The following RALYL variants were observed in gnomAD, a reference collection of about 807,000 sequenced individuals.
The protein encoded by RALYL is RNA-binding Raly-like protein.
Under a neutral mutation model 35.1 loss-of-function variants are expected in RALYL, and 29 were observed. The ratio of observed to expected loss-of-function variants is 0.83; its 90% CI spans 0.61 to 1.13. RALYL has a LOEUF of 1.13. RALYL is among the 50% of genes most tolerant of loss of function. The pLI, the probability that RALYL is intolerant of heterozygous loss-of-function variation, is 0.00. For synonymous variants in RALYL, 120 were observed against 127.6 expected, an observed-to-expected ratio of 0.94 and a Z score of 0.40; for missense variants, 359 against 360.4, an observed-to-expected ratio of 1.00 and a Z score of 0.03.
intron 2 of RALYL, among the ~76,000 whole-genome samples, chr8:84,609,107 T>C (rs753184875): frequency 1.1e-4 from 17 of 152,198 alleles, no homozygotes; most frequent in Non-Finnish European, 2.1e-4. Context: ...ACAAAGCTAG[T>C]AGACATTTCT....
chr8:84,479,925 G>A lies in RALYL; in HGVS notation c.-23-49374G>A, dbSNP rs116775013. ...GTCCAGCAGTAAGTTGTTAGAGACT[G>A]AAATATGACTGAAATTAAAAATTGC... On this transcript the variant is annotated intron_variant, in intron 1 of 8. Coordinates refer to ENST00000521268, the MANE Select transcript of RALYL (RefSeq NM_173848.7). 2.3e-3 allele frequency among the ~76,000 whole-genome samples: 344 copies of A among 152,262 alleles called. 3 individuals carry two copies. Among genetic ancestry groups the A allele is most frequent in the African/African-American group, 7.3e-3 (305 of 41,574 alleles).
chr8:84,908,309 ACTC>A (rs1846883364), intron 8 of RALYL, among the ~76,000 whole-genome samples: 1 of 151,938 alleles, frequency 6.6e-6, no homozygotes, highest in South Asian at 2.1e-4. Context: ...CAAAAAACTT[ACTC>A]CTCCTCTCTA....
intron 1 of RALYL, among the ~76,000 whole-genome samples, chr8:84,328,288 A>G (rs1424902483): frequency 1.3e-5 from 2 of 152,178 alleles, no homozygotes; most frequent in Non-Finnish European, 2.9e-5. Flanking sequence ...TTCACAGCCA[A>G]GTCTTCCTAG....
At chr8:84,577,665 T>C (rs1455966735) in intron 2 of RALYL, among the ~76,000 whole-genome samples, 3 of 152,190 alleles carry the variant, frequency 2.0e-5, no homozygotes, top group Admixed American at 2.0e-4. Flanking sequence ...ATTGTACTTA[T>C]TGCATTTTGT....
chr8:84,446,522 T>C (rs1275952065), intron 1 of RALYL, among the ~76,000 whole-genome samples: 1 of 152,098 alleles, frequency 6.6e-6, no homozygotes, highest in East Asian at 1.9e-4. Flanking sequence ...CTGTATGGGA[T>C]TGGGCAAGTC....
chr8:84,235,213 G>T (rs932221490), intron 1 of RALYL, among the ~76,000 whole-genome samples: 4 of 151,980 alleles, frequency 2.6e-5, no homozygotes, highest in African/African-American at 9.7e-5. Flanking sequence ...AAAATTAATT[G>T]ACAAGTGCAA....
intron 2 of RALYL, among the ~76,000 whole-genome samples, chr8:84,636,403 G>A (rs896756642): frequency 2.0e-5 from 3 of 151,768 alleles, no homozygotes; most frequent in Admixed American, 6.6e-5. Flanking sequence ...TTCTTCCTGT[G>A]AGAGATGGAA....
At chr8:84,737,846 G>C (rs1356139474) in intron 2 of RALYL, among the ~76,000 whole-genome samples, 1 of 151,860 alleles carries the variant, frequency 6.6e-6, no homozygotes, top group Non-Finnish European at 1.5e-5. Flanking sequence ...CCCTCTATGA[G>C]CCAGGAAGCA....
intron 1 of RALYL, among the ~76,000 whole-genome samples, chr8:84,372,778 AG>A (rs1167964130): frequency 6.7e-6 from 1 of 150,142 alleles, no homozygotes; most frequent in Admixed American, 6.7e-5. Context: ...TTCTGATTTT[AG>A]GTCTTTGAGG....
At position 84,210,152 on chromosome 8, in the gene RALYL, T is replaced by C. The variant is rs145885040; in HGVS notation, c.-24+25728T>C. ...GTTTTTGAAATGCACCCTACTTCTT[T>C]ATATGCTGTCTAGTCTTGTGGCTTC... On this transcript the variant is annotated intron_variant, in intron 1 of 8. Coordinates refer to ENST00000521268, the MANE Select transcript of RALYL (RefSeq NM_173848.7). Among the ~76,000 whole-genome samples the C allele has an allele frequency of 1.4e-3, 217 of 152,194 alleles. 1 individual carries two copies. The highest frequency in any genetic ancestry group is 5.0e-3 in the African/African-American group (206 of 41,530).
chr8:84,302,992 AC>A (rs1487320983), intron 1 of RALYL, among the ~76,000 whole-genome samples: 6 of 152,204 alleles, frequency 3.9e-5, no homozygotes, highest in African/African-American at 1.4e-4. Flanking sequence ...GAGTTTGTGT[AC>A]TAGAGAATTT....
chr8:84,883,023 G>A (rs1842417976), intron 7 of RALYL, among the ~76,000 whole-genome samples: 1 of 151,950 alleles, frequency 6.6e-6, no homozygotes, highest in African/African-American at 2.4e-5. Flanking sequence ...TCATTGTTTA[G>A]TGATTATAAT....
chr8:84,651,049 C>T (rs897183482), intron 2 of RALYL, among the ~76,000 whole-genome samples: 1 of 151,722 alleles, frequency 6.6e-6, no homozygotes, highest in Non-Finnish European at 1.5e-5. Flanking sequence ...GGAAGGGGAA[C>T]ATCACACTCT....
chr8:84,472,321 A>G (rs545950316), intron 1 of RALYL, among the ~76,000 whole-genome samples: 29 of 152,154 alleles, frequency 1.9e-4, no homozygotes, highest in Non-Finnish European at 3.7e-4. Context: ...TACAGGACAA[A>G]AAGAGGATGT....
rs567399177 is a variant in RALYL, at chr8:84,722,959, C to G, written c.257-51620C>G. ...TCAAGTTCACACACTTGAAATTTCA[C>G]AGGACACAAAATATCTACAATTTCA... On this transcript the variant is annotated intron_variant, in intron 2 of 8. Coordinates refer to ENST00000521268, the MANE Select transcript of RALYL (RefSeq NM_173848.7). Among the ~76,000 whole-genome samples the G allele has an allele frequency of 6.3e-4, 96 of 151,888 alleles. 1 individual carries two copies. The highest frequency in any genetic ancestry group is 2.3e-3 in the African/African-American group (96 of 41,478).
chr8:84,739,868 G>A (rs994047659), intron 2 of RALYL, among the ~76,000 whole-genome samples: 2 of 151,874 alleles, frequency 1.3e-5, no homozygotes, highest in African/African-American at 2.4e-5. Context: ...TAAAAAGAGT[G>A]AAATAATATA....
At chr8:84,505,636 A>G (rs1456686636) in intron 1 of RALYL, among the ~76,000 whole-genome samples, 1 of 151,826 alleles carries the variant, frequency 6.6e-6, no homozygotes, top group Non-Finnish European at 1.5e-5. Context: ...ACTGAGGGTT[A>G]GGGTATGAAT....
intron 1 of RALYL, among the ~76,000 whole-genome samples, chr8:84,476,417 C>G (rs1477331430): frequency 2.0e-5 from 3 of 152,118 alleles, no homozygotes; most frequent in African/African-American, 7.2e-5. Context: ...CTATAAAAAG[C>G]AAAGCCATGC....
chr8:84,802,500 ACTAG>A (rs1407853956), intron 3 of RALYL, among the ~76,000 whole-genome samples: 1 of 152,098 alleles, frequency 6.6e-6, no homozygotes, highest in Non-Finnish European at 1.5e-5. Flanking sequence ...ACTATTAATA[ACTAG>A]CTAGTCAGAC....
Sources: allele counts gnomAD v4.1 joint callset (sites outside exome capture counted in the v4.1 genomes callset), GRCh38; gene constraint gnomAD v4.1.1; transcripts MANE v1.5; gene names NCBI Gene and HGNC (gene_info 2026-07-23, HGNC 2026-07-21).